Variants in TBCA observed in about 807,000 individuals in gnomAD.
The protein encoded by TBCA is tubulin folding cofactor A, also known as tubulin-specific chaperone A.
In TBCA, 6 loss-of-function variants were observed where a neutral mutation model predicts 15.8. The observed-to-expected ratio is 0.38, with a 90% confidence interval of 0.21 to 0.75. The LOEUF (loss-of-function observed/expected upper bound fraction) is 0.75, where lower values mean the gene tolerates loss of function less well. Among genes scored for constraint, TBCA ranks in the 30% least tolerant of loss-of-function variants. The pLI is 0.46. For missense variants in TBCA, 90 were observed against 131.2 expected (o/e 0.69, Z 1.53); for synonymous variants, 32 against 42.3 (o/e 0.76, Z 0.94).
intron 1 of TBCA, among the ~76,000 whole-genome samples, chr5:77,720,829 T>C (rs368299892): frequency 1.0e-3 from 152 of 152,372 alleles, no homozygotes; most frequent in African/African-American, 3.4e-3. Context: ...TGTACTTTTA[T>C]TATTCATAAT....
chr5:77,706,520 A>T (rs1187130239), intron 2 of TBCA, among the ~76,000 whole-genome samples: 2 of 152,156 alleles, frequency 1.3e-5, no homozygotes, highest in Non-Finnish European at 2.9e-5. Context: ...GAGAGTAAGA[A>T]ATAGGAGGTG....
chr5:77,737,141 G>C (rs1443136572), intron 1 of TBCA, among the ~76,000 whole-genome samples: 1 of 152,094 alleles, frequency 6.6e-6, no homozygotes, highest in Non-Finnish European at 1.5e-5. Flanking sequence ...AAAAGTTTAG[G>C]ACATAATAAA....
At position 77,749,198 on chromosome 5, in the gene TBCA, T is replaced by C. The variant is rs544157252; in HGVS notation, c.53+27007A>G. On this transcript the variant is annotated intron_variant, in intron 1 of 3. Coordinates refer to ENST00000380377, the MANE Select transcript of TBCA (RefSeq NM_004607.3). ...ATCACTTTTTAATGTTAAAACACAA[T>C]TTACTGAAGAGATGAACTGTTCACA... Among the ~76,000 whole-genome samples the C allele has an allele frequency of 3.9e-5, 6 of 152,322 alleles. No individual in the cohort carries two copies. In the East Asian group the frequency reaches 1.2e-3, roughly 29 times the overall value.
At chr5:77,758,497 T>C (rs1378835237) in intron 1 of TBCA, among the ~76,000 whole-genome samples, 2 of 152,220 alleles carry the variant, frequency 1.3e-5, no homozygotes, top group Non-Finnish European at 2.9e-5. Context: ...GGGACAGGAA[T>C]TGCTCACTCG....
At chr5:77,738,134 T>C (rs890078076) in intron 1 of TBCA, among the ~76,000 whole-genome samples, 1 of 152,236 alleles carries the variant, frequency 6.6e-6, no homozygotes, top group Non-Finnish European at 1.5e-5. Context: ...TGTTTGTCAA[T>C]GTTTATGCCT....
chr5:77,734,935 A>C (rs1218312523), intron 1 of TBCA, among the ~76,000 whole-genome samples: 3 of 152,236 alleles, frequency 2.0e-5, no homozygotes, highest in African/African-American at 7.2e-5. Context: ...ATTACAATTC[A>C]CTGAAGGCTC....
chr5:77,715,241 T>C (rs9791058), intron 1 of TBCA: 93,755 of 702,032 alleles, frequency 0.13, 8,659 homozygotes, highest in East Asian at 0.37. Context: ...ATTTACTTAA[T>C]GTACTCCAGC....
intron 2 of TBCA, among the ~76,000 whole-genome samples, chr5:77,702,763 A>G (rs1211182091): frequency 6.6e-6 from 1 of 152,242 alleles, no homozygotes; most frequent in African/African-American, 2.4e-5. Flanking sequence ...ACCTCTTTGA[A>G]TATCTTTTGG....
At chr5:77,756,559 G>A (rs965597775) in intron 1 of TBCA, among the ~76,000 whole-genome samples, 1 of 151,378 alleles carries the variant, frequency 6.6e-6, no homozygotes, top group Admixed American at 6.6e-5. Flanking sequence ...GAAAGGCAAT[G>A]AAGACTTTAG....
At position 77,728,277 on chromosome 5, in the gene TBCA, A is replaced by T. The variant is rs180927897; in HGVS notation, c.54-19930T>A. On this transcript the variant is annotated intron_variant, in intron 1 of 3. Coordinates refer to ENST00000380377, the MANE Select transcript of TBCA (RefSeq NM_004607.3). The stretch of plus-strand genomic sequence containing the variant: ...AGGCCCCCAGAAAGGGCCTCAGAAG[A>T]GCTAAAATAGAGGTCAAAATTTACA... Among the ~76,000 whole-genome samples, 157 of 152,280 alleles carry T rather than the reference A, an allele frequency of 1.0e-3. 1 individual carries two copies. The highest frequency in any genetic ancestry group is 3.6e-3 in the African/African-American group (150 of 41,556).
rs541681977 is a variant in TBCA at position 77,757,524 on chromosome 5, A to G, written c.53+18681T>C. 2.6e-5 allele frequency among the ~76,000 whole-genome samples: 4 copies of G among 152,220 alleles called. No homozygotes were observed. In the South Asian group the frequency reaches 8.3e-4, roughly 32 times the overall value. ...TTGTACAGCAACAACAACAACAAAA[A>G]ACAACTTTAGATCTCAACCAAATTT... is the stretch of plus-strand genomic sequence containing the variant. On this transcript the variant is annotated intron_variant, in intron 1 of 3. Coordinates refer to ENST00000380377, the MANE Select transcript of TBCA (RefSeq NM_004607.3).
chr5:77,709,134 C>A (rs1253597784), intron 1 of TBCA, among the ~76,000 whole-genome samples: 3 of 152,014 alleles, frequency 2.0e-5, no homozygotes, highest in Non-Finnish European at 4.4e-5. Flanking sequence ...TTTTTAACAA[C>A]AAAATCGTTT....
intron 1 of TBCA, among the ~76,000 whole-genome samples, chr5:77,752,810 G>A (rs1477217322): frequency 2.1e-5 from 1 of 47,742 alleles, no homozygotes; most frequent in African/African-American, 6.6e-5. Flanking sequence ...CACCCGCCTC[G>A]GCCTCCCAAA....
intron 1 of TBCA, among the ~76,000 whole-genome samples, chr5:77,738,281 T>C (rs573705323): frequency 1.3e-5 from 2 of 152,352 alleles, no homozygotes; most frequent in South Asian, 2.1e-4. Context: ...CTCACTGATA[T>C]GGTGCAAATG....
At chr5:77,735,174 AAG>A in intron 1 of TBCA, among the ~76,000 whole-genome samples, 1 of 152,306 alleles carries the variant, frequency 6.6e-6, no homozygotes, top group East Asian at 1.9e-4. Flanking sequence ...ACATATTATG[AAG>A]ATTTTGGTTA....
chr5:77,703,222 T>C (rs1746064466), intron 2 of TBCA, among the ~76,000 whole-genome samples: 1 of 152,248 alleles, frequency 6.6e-6, no homozygotes, highest in South Asian at 2.1e-4. Flanking sequence ...CCAAAAATTA[T>C]ACCAGTTTGT....
At chr5:77,749,346 C>A (rs1478483807) in intron 1 of TBCA, among the ~76,000 whole-genome samples, 1 of 152,190 alleles carries the variant, frequency 6.6e-6, no homozygotes, top group Non-Finnish European at 1.5e-5. Flanking sequence ...CATCTTTACA[C>A]TTGTTTACAT....
At chr5:77,700,448 G>GA (rs1271664416) in intron 2 of TBCA, among the ~76,000 whole-genome samples, 1 of 152,036 alleles carries the variant, frequency 6.6e-6, no homozygotes, top group Non-Finnish European at 1.5e-5. Context: ...ATAAGCACAT[G>GA]AAAAAACATT....
intron 1 of TBCA, among the ~76,000 whole-genome samples, chr5:77,751,766 A>T (rs1362419201): frequency 6.6e-6 from 1 of 152,194 alleles, no homozygotes; most frequent in Non-Finnish European, 1.5e-5. Context: ...GTGGGAGACC[A>T]GAGTTTTATT....
Sources: gnomAD v4.1 joint callset for allele counts (sites outside exome capture counted in the v4.1 genomes callset) on GRCh38, gnomAD v4.1.1 for gene constraint, MANE v1.5 for transcripts, NCBI Gene and HGNC (gene_info 2026-07-23, HGNC 2026-07-21) for gene names.